Variants in CNBD1 observed in about 807,000 individuals in gnomAD.
CNBD1 encodes the protein cyclic nucleotide binding domain containing 1.
CNBD1 carries 71 observed loss-of-function variants against 54.4 expected under a neutral mutation model. The ratio of observed to expected loss-of-function variants is 1.30; its 90% CI spans 1.08 to 1.59. The LOEUF (loss-of-function observed/expected upper bound fraction) is 1.59, where lower values mean the gene tolerates loss of function less well. CNBD1 is among the 40% of genes most tolerant of loss of function. CNBD1 has a pLI of 0.00. For missense variants in CNBD1, 659 were observed against 518.0 expected (o/e 1.27, Z -2.64); for synonymous variants, 182 against 170.7 (o/e 1.07, Z -0.51).
At chr8:87,281,541 GATATAT>G (rs57434544) in intron 6 of CNBD1, among the ~76,000 whole-genome samples, 50 of 95,802 alleles carry the variant, frequency 5.2e-4, no homozygotes, top group African/African-American at 1.4e-3. Flanking sequence ...TCTAGGCTAA[GATATAT>G]ATATATATAT....
chr8:87,237,448 T>G (rs1807607438), intron 6 of CNBD1, among the ~76,000 whole-genome samples: 1 of 152,076 alleles, frequency 6.6e-6, no homozygotes, highest in African/African-American at 2.4e-5. Context: ...ACAGGAAGAC[T>G]AATTGATTAT....
chr8:87,218,508 A>G (rs1018238202), intron 5 of CNBD1, among the ~76,000 whole-genome samples: 1 of 152,080 alleles, frequency 6.6e-6, no homozygotes, highest in South Asian at 2.1e-4. Context: ...GAAATAGTCT[A>G]TTATGCCTGG....
At chr8:87,234,878 T>A (rs1044156163) in intron 5 of CNBD1, among the ~76,000 whole-genome samples, 1 of 152,238 alleles carries the variant, frequency 6.6e-6, no homozygotes, top group Non-Finnish European at 1.5e-5. Flanking sequence ...CTAGATGGCA[T>A]CTTCTTACAA....
At chr8:87,398,940 G>A (rs1383806968) in intron 2 of CNBD1, among the ~76,000 whole-genome samples, 1 of 151,834 alleles carries the variant, frequency 6.6e-6, no homozygotes, top group Non-Finnish European at 1.5e-5. Flanking sequence ...CCCCTTAGTG[G>A]GATATTTTTT....
chr8:87,206,108 T>A lies in CNBD1; in HGVS notation c.547T>A (p.Phe183Ile). Residue 183 changes from phenylalanine (F) to isoleucine (I), a missense_variant, in exon 5 of 11, where the codon TTT becomes ATT. Phe to Ile is a conservative substitution (Grantham distance 21, BLOSUM62 0). Coordinates refer to ENST00000518476, the MANE Select transcript of CNBD1 (RefSeq NM_173538.3). ...KHLKTLSKTV[F>I]SETWLKGSTV... is the part of the protein sequence containing the mutation. ...TCTGAAAACACTTAGTAAGACTGTC[T>A]TTTCCGAAACCTGGTTGAAAGGCAG... 6.3e-7 allele frequency: 1 copy of A among 1,590,192 alleles called. No homozygotes were observed. Among genetic ancestry groups the A allele is most frequent in the Non-Finnish European group, 8.5e-7 (1 of 1,169,980 alleles).
chr8:87,319,867 A>G (rs1809481967), intron 8 of CNBD1, among the ~76,000 whole-genome samples: 1 of 152,120 alleles, frequency 6.6e-6, no homozygotes, highest in Non-Finnish European at 1.5e-5. Context: ...ATGAGCCTAC[A>G]TAATTTATTT....
At chr8:87,253,811 A>C (rs1451980599) in intron 6 of CNBD1, among the ~76,000 whole-genome samples, 1 of 152,162 alleles carries the variant, frequency 6.6e-6, no homozygotes, top group African/African-American at 2.4e-5. Flanking sequence ...GAACAACAAA[A>C]ACAACAACAA....
At chr8:87,342,770 C>T (rs1019088635) in intron 8 of CNBD1, among the ~76,000 whole-genome samples, 1 of 152,110 alleles carries the variant, frequency 6.6e-6, no homozygotes, top group African/African-American at 2.4e-5. Context: ...TCACAAGGAT[C>T]ACATGCTTCA....
chr8:87,025,350 A>C lies in CNBD1; in HGVS notation c.431+85596A>C, dbSNP rs561317306. ...TGGAAGGGTTGTTCTTTTGCTTTTC[A>C]CAATAAATCTTGCTGCTGCTCACTC... On this transcript the variant is annotated intron_variant, in intron 4 of 10. Transcript: ENST00000518476. Among the ~76,000 whole-genome samples the C allele has an allele frequency of 3.3e-5, 5 of 152,298 alleles. No individual in the cohort carries two copies. The East Asian group carries it at 7.7e-4, about 24-fold the overall frequency.
intron 5 of CNBD1, among the ~76,000 whole-genome samples, chr8:87,229,234 T>C (rs1814605002): frequency 6.6e-6 from 1 of 152,156 alleles, no homozygotes; most frequent in South Asian, 2.1e-4. Flanking sequence ...CTGGGAGCTG[T>C]AGACCGCAGC....
chr8:87,302,069 G>C (rs377721576), intron 8 of CNBD1, among the ~76,000 whole-genome samples: 1 of 152,074 alleles, frequency 6.6e-6, no homozygotes, highest in Non-Finnish European at 1.5e-5. Context: ...ACAAGGAGGA[G>C]CTGGTACCAT....
intron 4 of CNBD1, among the ~76,000 whole-genome samples, chr8:86,985,992 G>A (rs370048213): frequency 3.9e-5 from 6 of 151,988 alleles, no homozygotes; most frequent in South Asian, 2.1e-4. Flanking sequence ...GTGCTGTGGT[G>A]CAATATCGGC....
intron 8 of CNBD1, among the ~76,000 whole-genome samples, chr8:87,291,546 A>T (rs1328336120): frequency 2.6e-5 from 4 of 151,922 alleles, no homozygotes; most frequent in Non-Finnish European, 5.9e-5. Context: ...AATCACCCTT[A>T]GTTGTAGTGT....
intron 4 of CNBD1, among the ~76,000 whole-genome samples, chr8:87,156,958 G>A (rs1812755306): frequency 2.6e-5 from 4 of 152,134 alleles, no homozygotes; most frequent in Admixed American, 2.6e-4. Context: ...GAGTCAGATT[G>A]ATTATTAAAT....
intron 8 of CNBD1, among the ~76,000 whole-genome samples, chr8:87,335,069 G>A (rs1421600279): frequency 6.6e-6 from 1 of 152,156 alleles, no homozygotes; most frequent in Non-Finnish European, 1.5e-5. Context: ...TATGGTCTGA[G>A]AGACTGTTAT....
At chr8:87,106,595 G>A (rs907596220) in intron 4 of CNBD1, among the ~76,000 whole-genome samples, 4 of 152,144 alleles carry the variant, frequency 2.6e-5, no homozygotes, top group African/African-American at 9.7e-5. Flanking sequence ...GAGCCATCTT[G>A]AACTTTTCAC....
At chr8:87,198,936 AG>A (rs1314022778) in intron 4 of CNBD1, among the ~76,000 whole-genome samples, 1 of 152,232 alleles carries the variant, frequency 6.6e-6, no homozygotes, top group Non-Finnish European at 1.5e-5. Context: ...GGGAAGCCTC[AG>A]GAAGGTTACA....
intron 4 of CNBD1, among the ~76,000 whole-genome samples, chr8:87,077,409 CTTCT>C (rs1226094106): frequency 3.9e-5 from 5 of 128,244 alleles, no homozygotes; most frequent in Non-Finnish European, 8.3e-5. Context: ...TCTTCTTCTT[CTTCT>C]TTTTTTTTTT....
intron 4 of CNBD1, among the ~76,000 whole-genome samples, chr8:87,193,948 C>A (rs962020002): frequency 2.6e-5 from 4 of 152,090 alleles, no homozygotes; most frequent in Non-Finnish European, 5.9e-5. Context: ...AACCCTGGGC[C>A]ATAGACTGAT....
Sources: gnomAD v4.1 joint callset for allele counts (sites outside exome capture counted in the v4.1 genomes callset) on GRCh38, gnomAD v4.1.1 for gene constraint, MANE v1.5 for transcripts, NCBI Gene and HGNC (gene_info 2026-07-23, HGNC 2026-07-21) for gene names.